The following SCUBE2 variants were observed in gnomAD, a reference collection of about 807,000 sequenced individuals.
SCUBE2 encodes the protein signal peptide, CUB domain and EGF like domain containing 2, also known as signal peptide, CUB and EGF-like domain-containing protein 2.
In SCUBE2, 114 loss-of-function variants were observed where a neutral mutation model predicts 125.9. That is an observed-to-expected ratio of 0.91 (90% CI 0.78 to 1.06). The LOEUF (loss-of-function observed/expected upper bound fraction) is 1.06. Ranked by LOEUF, SCUBE2 falls within the 50% of genes least tolerant of loss-of-function variation. The pLI is 0.00. For synonymous variants in SCUBE2, 459 were observed against 492.9 expected, an observed-to-expected ratio of 0.93 and a Z score of 0.91; for missense variants, 1,255 against 1,301.8, an observed-to-expected ratio of 0.96 and a Z score of 0.55.
Position 9,065,960 on chromosome 11 carries a change from C to G in SCUBE2, c.781G>C (p.Glu261Gln), listed in dbSNP as rs764067359. The stretch of plus-strand genomic sequence containing the variant: ...GATGTGGTGTTGCTCTCTGTCACCT[C>G]CAGGACAGTGTCCTCTCGCTCTACA... ...SCLEREDTVL[E>Q]VTESNTTSVV... is the part of the protein sequence containing the mutation. Residue 261 changes from glutamate to glutamine, a missense_variant, in exon 7 of 23, where the codon GAG becomes CAG. Glu to Gln is a conservative substitution (Grantham distance 29). Transcript: ENST00000649792. 4 of 1,613,862 alleles carry G rather than the reference C, an allele frequency of 2.5e-6. No individual in the cohort carries two copies. The African/African-American group carries it at 5.3e-5, about 22-fold the overall frequency.
intron 16 of SCUBE2, among the ~76,000 whole-genome samples, chr11:9,035,833 T>G (rs1031928989): frequency 2.6e-5 from 4 of 151,536 alleles, no homozygotes; most frequent in African/African-American, 9.8e-5. Flanking sequence ...ATCTTAATAC[T>G]CATATTTCTT....
chr11:9,033,387 C>T (rs3794150), intron 17 of SCUBE2, among the ~76,000 whole-genome samples: 13,424 of 152,216 alleles, frequency 0.088, 763 homozygotes, highest in South Asian at 0.23. Context: ...TCAACACTTA[C>T]GCTCTTCTGC....
chr11:9,070,762 A>G (rs1860721441), intron 4 of SCUBE2, among the ~76,000 whole-genome samples: 1 of 152,240 alleles, frequency 6.6e-6, no homozygotes, highest in Non-Finnish European at 1.5e-5. Context: ...CTTAAACGGA[A>G]CAATTGTTTT....
In SCUBE2 at chr11:9,060,494, T is replaced by C. The variant is rs752540615; in HGVS notation, c.881A>G (p.Asp294Gly). 1 of 1,613,990 alleles carries C rather than the reference T, an allele frequency of 6.2e-7. No homozygotes were observed. The highest frequency in any genetic ancestry group is 8.5e-7 in the Non-Finnish European group (1 of 1,179,946). The change falls in exon 8 of 23, where the codon GAC becomes GGC. Residue 294 changes from aspartate (D) to glycine (G), a missense_variant. By Grantham distance (94) the Asp-to-Gly change is moderately conservative (BLOSUM62 -1). This residue lies in a region of SCUBE2 where 378 missense variants were observed against 463.1 expected (regional missense o/e 0.82). Transcript: ENST00000649792. The stretch of plus-strand genomic sequence containing the variant: ...TGTCGAAGTATCCTTACAGGTGCGG[T>C]CACAGCCTCCATTGTTGACAGCACA... The part of the protein sequence containing the change: ...ETCAVNNGGC[D>G]RTCKDTSTGV...
In SCUBE2 at chr11:9,033,758, C is replaced by T. The variant is rs1337100789; in HGVS notation, c.2041G>A (p.Glu681Lys). Residue 681 changes from glutamate (E) to lysine (K), a missense_variant, in exon 17 of 23, where the codon GAA becomes AAA. This residue lies in a region of SCUBE2 where 515 missense variants were observed against 515.7 expected (regional missense o/e 1.00). Transcript: ENST00000649792. ...RAGTYYDGAR[E>K]RCILCPNGTF... is the part of the protein sequence containing the mutation. ...CCATTTGGACATAAAATGCAGCGTT[C>T]TCGTGCTCCATCATAATAGGTCCCA... is the stretch of plus-strand genomic sequence containing the variant. The T allele has an allele frequency of 6.2e-7, 1 of 1,614,128 alleles. No individual in the cohort carries two copies. The highest frequency in any genetic ancestry group is 1.1e-5 in the South Asian group (1 of 91,080).
intron 8 of SCUBE2, 89 bp downstream of exon 8, chr11:9,060,319 G>T: frequency 1.1e-6 from 1 of 949,904 alleles, no homozygotes; most frequent in Non-Finnish European, 1.7e-6. Context: ...GGGGTATGGA[G>T]GGTATGTTGC....
chr11:9,051,947 T>C (rs1428486081), intron 13 of SCUBE2, among the ~76,000 whole-genome samples: 1 of 152,178 alleles, frequency 6.6e-6, no homozygotes. Flanking sequence ...AGGATAGTGC[T>C]TGAGACTCTG....
intron 16 of SCUBE2, among the ~76,000 whole-genome samples, chr11:9,046,673 G>A (rs1857811503): frequency 6.6e-6 from 1 of 152,186 alleles, no homozygotes; most frequent in Non-Finnish European, 1.5e-5. Flanking sequence ...AATTTTAAAT[G>A]AGAACAGATC....
At chr11:9,070,410 C>T (rs1242587545) in intron 4 of SCUBE2, among the ~76,000 whole-genome samples, 1 of 152,198 alleles carries the variant, frequency 6.6e-6, no homozygotes, top group African/African-American at 2.4e-5. Flanking sequence ...TGCTGCCTAC[C>T]AGCATCCTGA....
chr11:9,076,826 C>G (rs1212707715), intron 3 of SCUBE2, among the ~76,000 whole-genome samples: 2 of 152,184 alleles, frequency 1.3e-5, no homozygotes. Flanking sequence ...TGAAGCCTAA[C>G]AAACTTGCCC....
chr11:9,078,550 T>TA (rs2135890215), intron 3 of SCUBE2, among the ~76,000 whole-genome samples: 1 of 152,290 alleles, frequency 6.6e-6, no homozygotes, highest in African/African-American at 2.4e-5. Context: ...TACCACACCA[T>TA]AAGGGGGCGT....
chr11:9,032,853 C>G (rs1856432322), intron 17 of SCUBE2, among the ~76,000 whole-genome samples: 1 of 152,178 alleles, frequency 6.6e-6, no homozygotes, highest in Non-Finnish European at 1.5e-5. Flanking sequence ...AGGAGTCACA[C>G]AGTCAATATG....
intron 4 of SCUBE2, among the ~76,000 whole-genome samples, chr11:9,069,841 A>C (rs72549203): frequency 8.5e-5 from 13 of 152,328 alleles, no homozygotes; most frequent in African/African-American, 2.9e-4. Flanking sequence ...GCTGATCAAG[A>C]ATGTAAAGAG....
intron 16 of SCUBE2, among the ~76,000 whole-genome samples, chr11:9,036,789 A>C (rs1856787266): frequency 6.6e-6 from 1 of 152,192 alleles, no homozygotes; most frequent in Non-Finnish European, 1.5e-5. Flanking sequence ...GAACTCTTTC[A>C]ACCTCCACAG....
chr11:9,086,726 G>A (rs541562339), intron 2 of SCUBE2, among the ~76,000 whole-genome samples: 34 of 152,112 alleles, frequency 2.2e-4, no homozygotes, highest in Middle Eastern at 3.4e-3. Flanking sequence ...GGTGGTGCAC[G>A]CCTGTAATTC....
At chr11:9,024,303 G>A in intron 21 of SCUBE2, 1 of 1,178,954 alleles carries the variant, frequency 8.5e-7, no homozygotes, top group East Asian at 6.3e-5. Context: ...CTTTTGGGTA[G>A]ATGAGGCTCT....
chr11:9,033,665 G>T lies in SCUBE2; in HGVS notation c.2134C>A (p.Leu712Met), dbSNP rs1395964153. 6.2e-7 allele frequency: 1 copy of T among 1,614,070 alleles called. No individual in the cohort carries two copies. Among genetic ancestry groups the T allele is most frequent in the Non-Finnish European group, 8.5e-7 (1 of 1,180,008 alleles). The change falls in exon 17 of 23, where the codon CTG becomes ATG. Residue 712 changes from leucine (L) to methionine (M), a missense_variant. By Grantham distance (15) the Leu-to-Met change is conservative. Coordinates refer to ENST00000649792, the MANE Select transcript of SCUBE2 (RefSeq NM_001367977.2). ...PCPRPGNSGALKTPEAWNMSE... is the reference protein window; with the variant it reads ...PCPRPGNSGAMKTPEAWNMSE... ...ATATTCCAAGCTTCTGGGGTCTTCA[G>T]GGCCCCAGAATTTCCTGGTCTTGGG...
chr11:9,064,537 TG>T (rs1860022829), intron 7 of SCUBE2: 2 of 144,892 alleles, frequency 1.4e-5, no homozygotes, highest in East Asian at 2.0e-4. Flanking sequence ...TTCAGAAATA[TG>T]GGGGAGGAGG....
At position 9,034,977 on chromosome 11, in the gene SCUBE2, A is replaced by G. The variant is rs531885641; in HGVS notation, c.2003-1181T>C. Reference sequence around the variant, plus strand: ...GTGCCACTGCACTCCAGCCTGGGCCACAGAGTGAGGCTCTGTCTCAAAGAA... The same window carrying G: ...GTGCCACTGCACTCCAGCCTGGGCCGCAGAGTGAGGCTCTGTCTCAAAGAA... On this transcript the variant is annotated intron_variant, in intron 16 of 22. Coordinates refer to ENST00000649792, the MANE Select transcript of SCUBE2 (RefSeq NM_001367977.2). Among the ~76,000 whole-genome samples, 7 of 152,346 alleles carry G rather than the reference A, an allele frequency of 4.6e-5. No homozygotes were observed. The South Asian group carries it at 1.4e-3, about 32-fold the overall frequency.
Sources: allele counts gnomAD v4.1 joint callset (sites outside exome capture counted in the v4.1 genomes callset), GRCh38; gene constraint gnomAD v4.1.1; regional missense constraint gnomAD v4.1.1; transcripts MANE v1.5; gene names NCBI Gene and HGNC (gene_info 2026-07-23, HGNC 2026-07-21).